ZSCAN5A: variants seen among roughly 807,000 people sequenced by gnomAD.
ZSCAN5A encodes the protein zinc finger and SCAN domain-containing protein 5A.
A neutral mutation model predicts 23.7 loss-of-function variants in ZSCAN5A; 12 were observed. The observed-to-expected ratio is 0.51, with a 90% CI of 0.32 to 0.82. The LOEUF is 0.82. ZSCAN5A is among the 40% of genes least tolerant of loss of function. The pLI is 0.03. For synonymous variants in ZSCAN5A, 257 were observed against 239.9 expected, an observed-to-expected ratio of 1.07 and a Z score of -0.66; for missense variants, 597 against 617.9, an observed-to-expected ratio of 0.97 and a Z score of 0.36.
chr19:56,259,369 C>G lies in ZSCAN5A; in HGVS notation c.-127-34196G>C, dbSNP rs146640937. 2.9e-4 allele frequency among the ~76,000 whole-genome samples: 44 copies of G among 152,218 alleles called. 1 individual carries two copies. The highest frequency in any genetic ancestry group is 9.4e-4 in the African/African-American group (39 of 41,530). On this transcript the variant is annotated intron_variant, in intron 2 of 5. Coordinates refer to ENST00000683990, the MANE Select transcript of ZSCAN5A (RefSeq NM_001322064.3). The stretch of plus-strand genomic sequence containing the variant: ...GTGAGCTACCGCGCCTGGCTGCACC[C>G]TGTAATTCTGATCTTACCCTCTTCT...
At chr19:56,247,290 C>T in intron 2 of ZSCAN5A, 1 of 314,674 alleles carries the variant, frequency 3.2e-6, no homozygotes, top group Non-Finnish European at 6.1e-6. Context: ...ACAAGAGGAG[C>T]CACACGGGGG....
rs1282276350 is a variant in ZSCAN5A at position 56,257,554 on chromosome 19, G to A, written c.-127-32381C>T. On this transcript the variant is annotated intron_variant, in intron 2 of 5. Transcript: ENST00000683990. ...ACTGCCCATCTTCTTAGACACAGGC[G>A]CCGGGGGACTCTGCAAGCCTTTCAC... Among the ~76,000 whole-genome samples the A allele has an allele frequency of 3.3e-5, 5 of 150,044 alleles. No individual in the cohort carries two copies. In the East Asian group the frequency reaches 6.0e-4, roughly 18 times the overall value.
rs186325504 is a variant in ZSCAN5A at position 56,251,973 on chromosome 19, T to G, written c.-127-26800A>C. Among the ~76,000 whole-genome samples the G allele has an allele frequency of 1.3e-3, 196 of 152,326 alleles. 1 individual carries two copies. The highest frequency in any genetic ancestry group is 3.6e-3 in the African/African-American group (148 of 41,566). ...CCTAAAATATATATTCTCTGCTCCT[T>G]TGTGGAAAAAAGCTTTCTGACCTCC... On this transcript the variant is annotated intron_variant, in intron 2 of 5. Transcript: ENST00000683990.
At chr19:56,251,273 A>T (rs1306168773) in intron 2 of ZSCAN5A, among the ~76,000 whole-genome samples, 2 of 151,872 alleles carry the variant, frequency 1.3e-5, no homozygotes, top group Non-Finnish European at 1.5e-5. Context: ...CATGATGTTT[A>T]ATTTTTTTGA....
intron 2 of ZSCAN5A, among the ~76,000 whole-genome samples, chr19:56,249,295 T>C (rs1243634221): frequency 6.6e-6 from 1 of 152,132 alleles, no homozygotes; most frequent in South Asian, 2.1e-4. Flanking sequence ...TTAGACCAAG[T>C]CTCACTCTGT....
At chr19:56,354,039 A>G (rs1045107643) in intron 2 of ZSCAN5A, among the ~76,000 whole-genome samples, 2 of 152,190 alleles carry the variant, frequency 1.3e-5, no homozygotes, top group African/African-American at 4.8e-5. Context: ...TCAGGCATGA[A>G]AGGATAAATA....
At chr19:56,367,748 G>T (rs535465399) in intron 1 of ZSCAN5A, 6 of 152,298 alleles carry the variant, frequency 3.9e-5, no homozygotes, top group African/African-American at 1.2e-4. Flanking sequence ...TTAAGAAAAA[G>T]TCACACAGCA....
intron 2 of ZSCAN5A, among the ~76,000 whole-genome samples, chr19:56,271,612 A>T (rs1195630895): frequency 1.3e-5 from 2 of 152,116 alleles, no homozygotes; most frequent in Admixed American, 6.5e-5. Context: ...GGTATCCCCT[A>T]ATGTACATGA....
At chr19:56,366,311 G>A (rs867220019) in intron 1 of ZSCAN5A, among the ~76,000 whole-genome samples, 20 of 151,896 alleles carry the variant, frequency 1.3e-4, no homozygotes, top group Middle Eastern at 3.4e-3. Context: ...GTGTGGTGGC[G>A]GATGCCTGTA....
chr19:56,294,885 C>G (rs1282827241), intron 2 of ZSCAN5A, among the ~76,000 whole-genome samples: 2 of 152,198 alleles, frequency 1.3e-5, no homozygotes, highest in African/African-American at 2.4e-5. Flanking sequence ...CACAAAAGCA[C>G]ATAGGGTATG....
At chr19:56,240,293 T>A (rs1188217967) in intron 2 of ZSCAN5A, among the ~76,000 whole-genome samples, 1 of 152,200 alleles carries the variant, frequency 6.6e-6, no homozygotes, top group Non-Finnish European at 1.5e-5. Context: ...AAACCTATGT[T>A]ATTTGCACAG....
intron 1 of ZSCAN5A, among the ~76,000 whole-genome samples, chr19:56,365,252 T>C (rs545350813): frequency 9.2e-5 from 14 of 152,364 alleles, no homozygotes; most frequent in African/African-American, 3.4e-4. Flanking sequence ...AGAAAAAAGA[T>C]GAGATTTCTG....
Position 56,225,015 on chromosome 19 carries a change from A to G in ZSCAN5A, c.32T>C (p.Leu11Pro). 7 of 1,610,738 alleles carry G rather than the reference A, an allele frequency of 4.3e-6. No homozygotes were observed. Among genetic ancestry groups the G allele is most frequent in the Non-Finnish European group, 5.9e-6 (7 of 1,177,888 alleles). Reference protein sequence around the residue: MAANCTSSWSLGESCNRPGLE... With the variant: MAANCTSSWSPGESCNRPGLE... ...CCCAGGTCTGTTGCAGGATTCTCCT[A>G]GACTCCATGAGGATGTGCAATTTGC... Residue 11 changes from leucine to proline, a missense_variant, in exon 3 of 6, where the codon CTA (leucine) becomes CCA (proline). Leu to Pro is a moderately conservative substitution (Grantham distance 98). This residue lies in a region of ZSCAN5A where 72 missense variants were observed against 76.8 expected (regional missense o/e 0.94). Coordinates refer to ENST00000683990, the MANE Select transcript of ZSCAN5A (RefSeq NM_001322064.3).
At chr19:56,246,813 C>T in intron 2 of ZSCAN5A, 1 of 1,611,050 alleles carries the variant, frequency 6.2e-7, no homozygotes, top group Non-Finnish European at 8.5e-7. Context: ...CACCTTCTGC[C>T]TGCGTTGTGG....
intron 2 of ZSCAN5A, among the ~76,000 whole-genome samples, chr19:56,245,755 G>A (rs745852599): frequency 6.6e-6 from 1 of 152,194 alleles, no homozygotes; most frequent in Non-Finnish European, 1.5e-5. Context: ...AATTCAGCAA[G>A]GAGCGCACTT....
At chr19:56,222,566 T>A in intron 5 of ZSCAN5A, 25 bp downstream of exon 5, 1 of 1,612,636 alleles carries the variant, frequency 6.2e-7, no homozygotes, top group Non-Finnish European at 8.5e-7. Context: ...GACTAACCCC[T>A]GTGGATCCAA....
Position 56,298,840 on chromosome 19 carries a change from G to A in ZSCAN5A, c.-128+14443C>T, listed in dbSNP as rs57673844. On this transcript the variant is annotated intron_variant, in intron 2 of 5. Coordinates refer to ENST00000683990, the MANE Select transcript of ZSCAN5A (RefSeq NM_001322064.3). The stretch of plus-strand genomic sequence containing the variant: ...ATTAAAAACAGTCATTTCCCAACTC[G>A]GTTTTAGGACAGAATAACCTTGATA... 5.1e-3 allele frequency among the ~76,000 whole-genome samples: 781 copies of A among 152,136 alleles called. 9 individuals carry two copies. The highest frequency in any genetic ancestry group is 0.018 in the African/African-American group (737 of 41,500).
rs139833935 is a variant in ZSCAN5A, at chr19:56,329,208, G to A, written c.-357-12940C>T. On this transcript the variant is annotated intron_variant, in intron 2 of 6. Transcript: ENST00000587340. ...TACTAAAAATACAAAAATTAGCTGGGCGTGGTGCCATATGCCTGTAAACAC... is the reference window on the plus strand; with the variant it reads ...TACTAAAAATACAAAAATTAGCTGGACGTGGTGCCATATGCCTGTAAACAC... Among the ~76,000 whole-genome samples, 297 of 151,962 alleles carry A rather than the reference G, an allele frequency of 2.0e-3. 1 individual carries two copies. Among genetic ancestry groups the A allele is most frequent in the Middle Eastern group, 6.8e-3 (2 of 294 alleles).
At chr19:56,303,141 C>A (rs2040456895) in intron 2 of ZSCAN5A, among the ~76,000 whole-genome samples, 1 of 152,092 alleles carries the variant, frequency 6.6e-6, no homozygotes. Flanking sequence ...CAGAGAAACA[C>A]CATGTGCGAG....
Sources: gnomAD v4.1 joint callset for allele counts (sites outside exome capture counted in the v4.1 genomes callset) on GRCh38, gnomAD v4.1.1 for gene constraint, gnomAD v4.1.1 regional missense constraint, MANE v1.5 for transcripts, NCBI Gene and HGNC (gene_info 2026-07-23, HGNC 2026-07-21) for gene names.